ORC4: variants seen among roughly 807,000 people sequenced by gnomAD.
The protein encoded by ORC4 is origin recognition complex, subunit 4 homolog.
ORC4 carries 55 observed loss-of-function variants against 63.9 expected under a neutral mutation model. The observed-to-expected ratio is 0.86, with a 90% confidence interval of 0.69 to 1.08. ORC4 has a LOEUF of 1.08. Among genes scored for constraint, ORC4 ranks in the 50% least tolerant of loss-of-function variants. The probability of loss-of-function intolerance (pLI) is 0.00; values close to 1 mark genes in which losing one functional copy is unlikely to be tolerated. For missense variants in ORC4, 511 were observed against 504.4 expected (o/e 1.01, Z -0.13); for synonymous variants, 150 against 168.5 (o/e 0.89, Z 0.85).
chr2:147,972,043 A>G (rs930559123), intron 4 of ORC4, among the ~76,000 whole-genome samples: 2 of 152,118 alleles, frequency 1.3e-5, no homozygotes, highest in African/African-American at 4.8e-5. Context: ...ATGAGAACAG[A>G]TTTTACACAG....
Position 147,938,144 on chromosome 2 carries a change from A to G in ORC4, c.1122+2T>C. The G allele has an allele frequency of 6.3e-7, 1 of 1,599,514 alleles. No individual in the cohort carries two copies. The highest frequency in any genetic ancestry group is 8.6e-7 in the Non-Finnish European group (1 of 1,167,224). On this transcript the variant is annotated splice_donor_variant, in intron 13 of 13. Coordinates refer to ENST00000392857, the MANE Select transcript of ORC4 (RefSeq NM_181741.4). LOFTEE classifies it high-confidence loss of function. ...GAAAAATGACAGCAAACTAAATCTT[A>G]CCTTCATGACAACAGGTTTTTCAAA...
chr2:147,963,677 T>C (rs941668919), intron 4 of ORC4, among the ~76,000 whole-genome samples: 5 of 152,068 alleles, frequency 3.3e-5, no homozygotes, highest in African/African-American at 9.7e-5. Flanking sequence ...GCCACATTAA[T>C]AGCCCCATCT....
At position 147,933,378 on chromosome 2, in the gene ORC4, A is replaced by G. The variant is rs1169077482; in HGVS notation, c.*2132T>C. The G allele has an allele frequency of 6.6e-6, 1 of 152,144 alleles. No individual in the cohort carries two copies. The highest frequency in any genetic ancestry group is 6.6e-5 in the Admixed American group (1 of 15,242). The allele number at this position is 152,144 out of a possible 1,614,324, so 9.4% of individuals were successfully genotyped here. On this transcript the variant is annotated 3_prime_UTR_variant, in exon 14 of 14. Coordinates refer to ENST00000392857, the MANE Select transcript of ORC4 (RefSeq NM_181741.4). ...ATGAGGGAATATGGAAAGGCCAACA[A>G]GCAGCACTGTTCCTCCCCACAAAAA...
At chr2:147,947,274 T>C (rs1688711806) in intron 9 of ORC4, among the ~76,000 whole-genome samples, 1 of 152,042 alleles carries the variant, frequency 6.6e-6, no homozygotes, top group South Asian at 2.1e-4. Flanking sequence ...TATTTTCCAC[T>C]CTCACGAGGC....
chr2:147,983,413 C>G (rs1383818819), intron 1 of ORC4, among the ~76,000 whole-genome samples: 1 of 152,184 alleles, frequency 6.6e-6, no homozygotes, highest in Admixed American at 6.5e-5. Context: ...TTTTGAAGTT[C>G]TTCTGATATT....
chr2:147,999,096 A>G (rs1692148330), intron 1 of ORC4, among the ~76,000 whole-genome samples: 2 of 152,198 alleles, frequency 1.3e-5, no homozygotes, highest in Admixed American at 1.3e-4. Flanking sequence ...CAACAAGTTC[A>G]CTAAATAACT....
chr2:148,020,274 G>A (rs560461958), intron 1 of ORC4, among the ~76,000 whole-genome samples: 3 of 152,210 alleles, frequency 2.0e-5, no homozygotes, highest in Admixed American at 2.0e-4. Context: ...TCTGTCCCTA[G>A]ATAGAAGTCC....
At position 147,938,373 on chromosome 2, in the gene ORC4, A is replaced by C. The variant is rs763748239; in HGVS notation, c.979T>G (p.Cys327Gly). 7 of 1,600,418 alleles carry C rather than the reference A, an allele frequency of 4.4e-6. No individual in the cohort carries two copies. In the African/African-American group the frequency reaches 8.0e-5, roughly 18 times the overall value. Reference sequence around the variant, plus strand: ...AAATGTTTCATTGCTATTATAAGACAGATTTCCAAGACTGATAGACCTACA... The same window carrying C: ...AAATGTTTCATTGCTATTATAAGACCGATTTCCAAGACTGATAGACCTACA... ...IVHGLSVLEI[C>G]LIIAMKHLND... The change falls in exon 12 of 14, where the codon TGT becomes GGT. Residue 327 changes from cysteine (C) to glycine (G), a missense_variant. Cys to Gly is a radical substitution (Grantham distance 159, BLOSUM62 -3). Transcript: ENST00000392857.
rs1335201018 is a variant in ORC4 at position 147,931,850 on chromosome 2, A to G, written c.*3660T>C. On this transcript the variant is annotated 3_prime_UTR_variant, in exon 14 of 14. Coordinates refer to ENST00000392857, the MANE Select transcript of ORC4 (RefSeq NM_181741.4). ...CTATGACAAACCCACAGCCAATATC[A>G]TACTGAATGGGCAAAAACTGGAAGC... 2.0e-5 allele frequency: 3 copies of G among 151,868 alleles called. No individual in the cohort carries two copies. Among genetic ancestry groups the G allele is most frequent in the African/African-American group, 7.3e-5 (3 of 41,332 alleles). 9.4% of individuals were successfully genotyped at this position (151,868 alleles called of 1,614,324 possible). A position where few individuals can be genotyped will look rare whatever the true frequency, so the allele number is the denominator to read the frequency against.
intron 1 of ORC4, among the ~76,000 whole-genome samples, chr2:148,016,520 C>G (rs554995621): frequency 6.6e-6 from 1 of 152,186 alleles, no homozygotes; most frequent in Admixed American, 6.5e-5. Context: ...AAAAGTTGAA[C>G]GAACTGGGCT....
At chr2:147,955,056 A>T (rs1689168263) in intron 7 of ORC4, among the ~76,000 whole-genome samples, 1 of 152,038 alleles carries the variant, frequency 6.6e-6, no homozygotes, top group Non-Finnish European at 1.5e-5. Context: ...TCAAAATCTT[A>T]TTACAAAATA....
intron 1 of ORC4, among the ~76,000 whole-genome samples, chr2:148,000,203 T>C (rs989476846): frequency 6.6e-6 from 1 of 152,014 alleles, no homozygotes; most frequent in African/African-American, 2.4e-5. Context: ...ACACAAATTG[T>C]CAGACTGAAA....
chr2:147,972,811 C>T lies in ORC4; in HGVS notation c.153G>A (p.Leu51=). Residue 51 remains leucine, a synonymous_variant, in exon 4 of 14, where the codon CTG becomes CTA. Transcript: ENST00000392857. ...TCTCTCCATGGAGAGCAGTTCTTTT[C>T]AGCAGCTCACTTAAGTGTCTAAAAT... ...QVQYKHLSEL[L]KRTALHGESN... The T allele has an allele frequency of 6.2e-7, 1 of 1,609,556 alleles. No homozygotes were observed. The highest frequency in any genetic ancestry group is 1.3e-5 in the African/African-American group (1 of 74,886).
intron 4 of ORC4, among the ~76,000 whole-genome samples, chr2:147,963,833 G>A (rs1295272396): frequency 1.3e-5 from 2 of 152,056 alleles, no homozygotes; most frequent in South Asian, 2.1e-4. Flanking sequence ...TGAGACACTT[G>A]TAAATGACAC....
chr2:147,988,231 GTT>G (rs1240307311), intron 1 of ORC4, among the ~76,000 whole-genome samples: 1 of 152,036 alleles, frequency 6.6e-6, no homozygotes, highest in Non-Finnish European at 1.5e-5. Flanking sequence ...AAAGGGAAGA[GTT>G]CAAGATCAAT....
At chr2:148,003,078 A>G (rs1210662392) in intron 1 of ORC4, among the ~76,000 whole-genome samples, 4 of 152,106 alleles carry the variant, frequency 2.6e-5, no homozygotes, top group African/African-American at 9.7e-5. Context: ...TCGAATCCCT[A>G]AATAGACCAA....
chr2:147,944,946 G>A (rs972551831), intron 9 of ORC4, among the ~76,000 whole-genome samples: 1 of 151,466 alleles, frequency 6.6e-6, no homozygotes, highest in South Asian at 2.1e-4. Context: ...TCACAAACAC[G>A]GTAGAATATC....
At chr2:147,957,465 A>G (rs1306949269) in intron 6 of ORC4, among the ~76,000 whole-genome samples, 1 of 151,834 alleles carries the variant, frequency 6.6e-6, no homozygotes, top group African/African-American at 2.4e-5. Context: ...AAGCAGTATG[A>G]GGCTAGGTAA....
chr2:148,018,370 G>GT (rs1693445122), intron 1 of ORC4, among the ~76,000 whole-genome samples: 2 of 152,170 alleles, frequency 1.3e-5, no homozygotes, highest in Admixed American at 6.5e-5. Context: ...ATACATTGGT[G>GT]TATCTACTTT....
Sources: allele counts gnomAD v4.1 joint callset (sites outside exome capture counted in the v4.1 genomes callset), GRCh38; gene constraint gnomAD v4.1.1; transcripts MANE v1.5; gene names NCBI Gene and HGNC (gene_info 2026-07-23, HGNC 2026-07-21).